The following CCDC3 variants were observed in gnomAD, a reference collection of about 807,000 sequenced individuals.
CCDC3 encodes the protein coiled-coil domain-containing protein 3.
Under a neutral mutation model 21.4 loss-of-function variants are expected in CCDC3, and 24 were observed. The observed-to-expected ratio is 1.12, with a 90% CI of 0.81 to 1.58. The LOEUF (loss-of-function observed/expected upper bound fraction) is 1.58, where lower values mean the gene tolerates loss of function less well. CCDC3 is among the 40% of genes most tolerant of loss of function. The pLI, the probability that CCDC3 is intolerant of heterozygous loss-of-function variation, is 0.00. For missense variants in CCDC3, 425 were observed against 360.9 expected (o/e 1.18, Z -1.44); for synonymous variants, 186 against 166.0 (o/e 1.12, Z -0.93).
chr10:13,067,195 C>G (rs531924577), intron 4 of CCDC3, among the ~76,000 whole-genome samples: 107 of 152,338 alleles, frequency 7.0e-4, no homozygotes, highest in Admixed American at 1.3e-3. Flanking sequence ...CCGCTCCCCT[C>G]CCAGCCAGGG....
At chr10:13,092,366 G>C (rs1429867019) in intron 3 of CCDC3, among the ~76,000 whole-genome samples, 1 of 152,174 alleles carries the variant, frequency 6.6e-6, no homozygotes, top group South Asian at 2.1e-4. Flanking sequence ...TGAAATCGTT[G>C]CAATGGGAAA....
Position 12,956,698 on chromosome 10 carries a change from C to T in CCDC3, c.549+41640G>A, listed in dbSNP as rs994140789. On this transcript the variant is annotated intron_variant, in intron 2 of 2. Coordinates refer to ENST00000378825, the MANE Select transcript of CCDC3 (RefSeq NM_031455.4). ...CTTTAGTCAAGCTCCTCTGAGCCCT[C>T]TTCTTAGCTAGGTCTCAGCCTTGGC... Among the ~76,000 whole-genome samples, 5 of 152,242 alleles carry T rather than the reference C, an allele frequency of 3.3e-5. No homozygotes were observed. In the South Asian group the frequency reaches 1.0e-3, roughly 31 times the overall value.
chr10:12,955,798 A>C (rs994108651), intron 2 of CCDC3, among the ~76,000 whole-genome samples: 4 of 152,216 alleles, frequency 2.6e-5, no homozygotes, highest in African/African-American at 9.6e-5. Context: ...GCTGGAGTGC[A>C]GTGGTGCGAT....
At chr10:12,979,202 C>T (rs1361902356) in intron 2 of CCDC3, among the ~76,000 whole-genome samples, 1 of 152,156 alleles carries the variant, frequency 6.6e-6, no homozygotes, top group Non-Finnish European at 1.5e-5. Flanking sequence ...AACTTATCTT[C>T]ACAGGACAAG....
At position 12,920,328 on chromosome 10, in the gene CCDC3, C is replaced by A. The variant is rs1000053204; in HGVS notation, c.550-21649G>T. Among the ~76,000 whole-genome samples the A allele has an allele frequency of 6.1e-4, 93 of 152,270 alleles. No homozygotes were observed. In the Middle Eastern group the frequency reaches 0.014, roughly 22 times the overall value. ...GTCCCTATGATTCAATTATCTCCCA[C>A]GGGGTCCTTCCCACAACATGTACGA... On this transcript the variant is annotated intron_variant, in intron 2 of 2. Transcript: ENST00000378825.
rs532349051 is a variant in CCDC3, at chr10:12,978,019, CT to C, written c.549+20318del. On this transcript the variant is annotated intron_variant, in intron 2 of 2. Transcript: ENST00000378825. Reference sequence around the variant, plus strand: ...GGAAAGAAAAGCCATTTTCCACACTCTTTTTTTTTTTTTTCTTGAGATGGAA... The same window carrying C: ...GGAAAGAAAAGCCATTTTCCACACTCTTTTTTTTTTTTTCTTGAGATGGAA... Among the ~76,000 whole-genome samples, 1,204 of 143,900 alleles carry C rather than the reference CT, an allele frequency of 8.4e-3. 7 individuals carry two copies. Among genetic ancestry groups the C allele is most frequent in the African/African-American group, 0.025 (973 of 39,616 alleles). 94.4% of individuals were successfully genotyped at this position (143,900 alleles called of 152,430 possible). A position where few individuals can be genotyped will look rare whatever the true frequency, so the allele number is the denominator to read the frequency against.
intron 5 of CCDC3, among the ~76,000 whole-genome samples, chr10:13,013,646 T>G (rs1292368786): frequency 6.6e-6 from 1 of 152,154 alleles, no homozygotes; most frequent in East Asian, 1.9e-4. Context: ...AACTGGAATC[T>G]TGCACCAGCT....
intron 2 of CCDC3, among the ~76,000 whole-genome samples, chr10:12,988,827 T>C (rs79616254): frequency 0.034 from 5,249 of 152,192 alleles, 108 homozygotes; most frequent in Non-Finnish European, 0.041. Context: ...AGGTGTTTAG[T>C]AAATATATGT....
At chr10:13,003,823 C>T (rs552086376), upstream of CCDC3, among the ~76,000 whole-genome samples, 6 of 152,290 alleles carry the variant, frequency 3.9e-5, no homozygotes, top group East Asian at 1.2e-3. Context: ...ATAAACTTGA[C>T]AGAATCAAAA....
intron 3 of CCDC3, among the ~76,000 whole-genome samples, chr10:13,096,303 C>A (rs1832628778): frequency 1.3e-5 from 2 of 152,098 alleles, no homozygotes; most frequent in African/African-American, 4.8e-5. Flanking sequence ...CCTGCCTCAG[C>A]CTCTCAAGTA....
chr10:13,048,299 C>G (rs1414028964), intron 5 of CCDC3, among the ~76,000 whole-genome samples: 1 of 152,126 alleles, frequency 6.6e-6, no homozygotes, highest in Non-Finnish European at 1.5e-5. Context: ...TCAAGCAATT[C>G]TCCTGCCTCA....
At chr10:12,991,917 CTTATCT>C (rs1352791996) in intron 2 of CCDC3, among the ~76,000 whole-genome samples, 1 of 152,082 alleles carries the variant, frequency 6.6e-6, no homozygotes, top group Non-Finnish European at 1.5e-5. Context: ...CTGTCTCTTT[CTTATCT>C]TTTTTTCTCA....
chr10:13,066,888 G>A (rs542868487), intron 4 of CCDC3, among the ~76,000 whole-genome samples: 56 of 151,976 alleles, frequency 3.7e-4, no homozygotes, highest in Non-Finnish European at 5.9e-4. Flanking sequence ...TTCCCTTTTC[G>A]CCCAATAAAA....
intron 2 of CCDC3, among the ~76,000 whole-genome samples, chr10:12,949,217 T>C (rs1182851472): frequency 2.0e-5 from 3 of 152,184 alleles, no homozygotes; most frequent in African/African-American, 7.2e-5. Context: ...ACTGGGCACA[T>C]GGCTGCCGGG....
rs574289174 is a variant in CCDC3, at chr10:13,048,231, T to A, written c.-2+1443A>T. Among the ~76,000 whole-genome samples, 3 of 152,280 alleles carry A rather than the reference T, an allele frequency of 2.0e-5. No individual in the cohort carries two copies. In the South Asian group the frequency reaches 6.2e-4, roughly 32 times the overall value. ...TTTTTTAGACGGAGTCTCGCTCTGT[T>A]GCCAGACTGGAGTGCAGTGGCGCGA... On this transcript the variant is annotated intron_variant, in intron 5 of 6. Coordinates refer to the CCDC3 transcript ENST00000378839.
At chr10:13,002,378 T>TTTTTG (rs113955178), upstream of CCDC3, among the ~76,000 whole-genome samples, 5,033 of 152,058 alleles carry the variant, frequency 0.033, 261 homozygotes, top group African/African-American at 0.11. Flanking sequence ...GGCAACAGGT[T>TTTTTG]TTTTGTTTTG....
chr10:12,903,794 ACTTC>A (rs1409321615), intron 2 of CCDC3, among the ~76,000 whole-genome samples: 1 of 152,236 alleles, frequency 6.6e-6, no homozygotes, highest in Non-Finnish European at 1.5e-5. Flanking sequence ...GGATATCCAT[ACTTC>A]CTTATCTGTC....
At chr10:12,916,216 A>G (rs530080366) in intron 2 of CCDC3, among the ~76,000 whole-genome samples, 38 of 152,190 alleles carry the variant, frequency 2.5e-4, no homozygotes, top group Non-Finnish European at 4.3e-4. Flanking sequence ...GGCGGATCAC[A>G]AGGGCAGGCG....
chr10:13,024,372 C>T (rs1360677159), intron 5 of CCDC3, among the ~76,000 whole-genome samples: 1 of 152,148 alleles, frequency 6.6e-6, no homozygotes, highest in African/African-American at 2.4e-5. Flanking sequence ...TTTGCAGCCT[C>T]TCTCTGGCTG....
Sources: allele counts gnomAD v4.1 joint callset (sites outside exome capture counted in the v4.1 genomes callset), GRCh38; gene constraint gnomAD v4.1.1; transcripts MANE v1.5; gene names NCBI Gene and HGNC (gene_info 2026-07-23, HGNC 2026-07-21).